Variants in ZC3H4 observed in about 807,000 individuals in gnomAD.
ZC3H4 encodes zinc finger CCCH-type containing 4.
In ZC3H4, 13 loss-of-function variants were observed where a neutral mutation model predicts 108.3. The observed-to-expected ratio is 0.12, with a 90% confidence interval of 0.08 to 0.19. The LOEUF is 0.19. Ranked by LOEUF, ZC3H4 falls within the 10% of genes least tolerant of loss-of-function variation. The pLI is 1.00. For missense variants in ZC3H4, 1,734 were observed against 1,838.8 expected, an observed-to-expected ratio of 0.94 and a Z score of 1.04; for synonymous variants, 917 against 749.6, an observed-to-expected ratio of 1.22 and a Z score of -3.65.
chr19:47,089,886 A>G, intron 5 of ZC3H4, 81 bp downstream of exon 5: 1 of 1,453,220 alleles, frequency 6.9e-7, no homozygotes. Context: ...ACCAAACTTG[A>G]GGTTCTGTGA....
intron 11 of ZC3H4, among the ~76,000 whole-genome samples, chr19:47,076,160 T>C (rs376638310): frequency 6.6e-6 from 1 of 152,210 alleles, no homozygotes. Context: ...AACTCAAATG[T>C]CCTTCAACGG....
At chr19:47,113,379 G>A (rs1195589229) in intron 1 of ZC3H4, 1 of 152,780 alleles carries the variant, frequency 6.5e-6, no homozygotes, top group Non-Finnish European at 1.5e-5. Context: ...GGGCTAGAGA[G>A]AGCATGAGAA....
Position 47,103,754 on chromosome 19 carries a change from G to A in ZC3H4, c.161+8670C>T, listed in dbSNP as rs547978115. Among the ~76,000 whole-genome samples, 6 of 129,246 alleles carry A rather than the reference G, an allele frequency of 4.6e-5. No individual in the cohort carries two copies. The East Asian group carries it at 6.6e-4, about 14-fold the overall frequency. 84.8% of individuals were successfully genotyped at this position (129,246 alleles called of 152,430 possible). On this transcript the variant is annotated intron_variant, in intron 2 of 14. Coordinates refer to ENST00000253048, the MANE Select transcript of ZC3H4 (RefSeq NM_015168.2). Reference sequence around the variant, plus strand: ...ATCTGGGCTAACATGGTGAAACCCCGTCTCTACTAAAAAAAAAAAAAAAAA... The same window carrying A: ...ATCTGGGCTAACATGGTGAAACCCCATCTCTACTAAAAAAAAAAAAAAAAA...
rs1173913849 is a variant in ZC3H4 at position 47,088,619 on chromosome 19, C to T, written c.715+1348G>A. 3.3e-5 allele frequency among the ~76,000 whole-genome samples: 5 copies of T among 152,012 alleles called. No homozygotes were observed. The East Asian group carries it at 9.7e-4, about 29-fold the overall frequency. The stretch of plus-strand genomic sequence containing the variant: ...GCTGCAGTGAGCCTAAATCGTGCCA[C>T]TGCACTCCAGGATGGGTGACAGAGC... On this transcript the variant is annotated intron_variant, in intron 5 of 14. Transcript: ENST00000253048.
At chr19:47,099,060 G>A (rs1453156814) in intron 2 of ZC3H4, among the ~76,000 whole-genome samples, 2 of 152,184 alleles carry the variant, frequency 1.3e-5, no homozygotes, top group African/African-American at 2.4e-5. Context: ...AGGCACAAAG[G>A]AAGAAGCAGC....
intron 1 of ZC3H4, chr19:47,113,161 G>C (rs1449002092): frequency 1.3e-5 from 2 of 152,708 alleles, no homozygotes; most frequent in Non-Finnish European, 2.9e-5. Flanking sequence ...CGGGAGGAAG[G>C]GTGAGATGGG....
chr19:47,082,148 C>T (rs746843495), intron 10 of ZC3H4, 36 bp downstream of exon 10: 1 of 1,552,602 alleles, frequency 6.4e-7, no homozygotes, highest in Non-Finnish European at 8.9e-7. Flanking sequence ...AAGTTCTGCG[C>T]CCTCATTCAG....
In ZC3H4 at chr19:47,090,064, G is replaced by A. The variant is rs774486510; in HGVS notation, c.618C>T (p.Gly206=). 14 of 1,613,988 alleles carry A rather than the reference G, an allele frequency of 8.7e-6. No homozygotes were observed. The highest frequency in any genetic ancestry group is 4.5e-5 in the East Asian group (2 of 44,890). The change falls in exon 5 of 15, where the codon GGC becomes GGT. Residue 206 remains glycine (G), a synonymous_variant. Coordinates refer to ENST00000253048, the MANE Select transcript of ZC3H4 (RefSeq NM_015168.2). ...CCTTGCCCATGTCCTCCTCCTCGTC[G>A]CCCTCATATTCCCCATACTGCTCAT... ...YENEQYGEYE[G]DEEEDMGKED...
In ZC3H4 at chr19:47,090,006, G is replaced by C. The variant is rs2057702813; in HGVS notation, c.676C>G (p.Gln226Glu). 1.2e-6 allele frequency: 2 copies of C among 1,614,082 alleles called. No individual in the cohort carries two copies. Among genetic ancestry groups the C allele is most frequent in the Non-Finnish European group, 8.5e-7 (1 of 1,180,034 alleles). ...CTGCCCTCCTTGGCACGCCGGTACT[G>C]GTTCAGCTCTTTGGTGAAGTCGTCA... ...DYDDFTKELN[Q>E]YRRAKEGSSR... Residue 226 changes from glutamine to glutamate, a missense_variant, in exon 5 of 15, where the codon CAG (glutamine) becomes GAG (glutamate). Physicochemically the swap from Gln to Glu is conservative, Grantham distance 29. Around this residue, in one of 9 missense-constraint regions of ZC3H4, gnomAD observed 403 missense variants for 457.0 expected, o/e 0.88. Coordinates refer to ENST00000253048, the MANE Select transcript of ZC3H4 (RefSeq NM_015168.2).
Position 47,072,535 on chromosome 19 carries a change from C to A in ZC3H4, c.1619G>T (p.Gly540Val). Residue 540 changes from glycine (G) to valine (V), a missense_variant, in exon 12 of 15, where the codon GGC becomes GTC. Gly to Val is a moderately radical substitution (Grantham distance 109). Transcript: ENST00000253048. The surrounding 1 kb of genome is among the most constrained non-coding windows in gnomAD (Gnocchi z 5.6). ...AGGGGGAGGGGGCGGGGGCGGGGGG[C>A]CACCCTGCATGGGCCTGCCGTTGGG... ...TSPNGRPMQG[G>V]PPPPPPPPPP... 1 of 1,482,792 alleles carries A rather than the reference C, an allele frequency of 6.7e-7. No individual in the cohort carries two copies. Among genetic ancestry groups the A allele is most frequent in the Non-Finnish European group, 9.0e-7 (1 of 1,113,984 alleles). 91.9% of individuals were successfully genotyped at this position (1,482,792 alleles called of 1,614,324 possible). A position where few individuals can be genotyped will look rare whatever the true frequency, so the allele number is the denominator to read the frequency against.
intron 2 of ZC3H4, among the ~76,000 whole-genome samples, chr19:47,095,220 G>A (rs1177443066): frequency 6.6e-6 from 1 of 152,220 alleles, no homozygotes; most frequent in African/African-American, 2.4e-5. Flanking sequence ...TCTGAACCAG[G>A]GGTGGCCCCA....
At chr19:47,107,918 C>A (rs1443491712) in intron 2 of ZC3H4, among the ~76,000 whole-genome samples, 1 of 152,314 alleles carries the variant, frequency 6.6e-6, no homozygotes, top group East Asian at 1.9e-4. Flanking sequence ...GAGTCAAACC[C>A]ATGAAGTTTG....
chr19:47,103,080 A>C (rs529934749), intron 2 of ZC3H4, among the ~76,000 whole-genome samples: 2 of 152,292 alleles, frequency 1.3e-5, no homozygotes, highest in South Asian at 2.1e-4. Flanking sequence ...TTCTTGAGCA[A>C]AGGTATCTAT....
chr19:47,106,100 G>A (rs149277682), intron 2 of ZC3H4, among the ~76,000 whole-genome samples: 1 of 152,192 alleles, frequency 6.6e-6, no homozygotes, highest in Non-Finnish European at 1.5e-5. Flanking sequence ...ACTCAGAAGG[G>A]CTCTGGCAGA....
At chr19:47,106,587 G>A (rs1366443231) in intron 2 of ZC3H4, among the ~76,000 whole-genome samples, 2 of 152,166 alleles carry the variant, frequency 1.3e-5, no homozygotes, top group Non-Finnish European at 2.9e-5. Context: ...AATTAATTAA[G>A]GCATCTGCTT....
Position 47,066,539 on chromosome 19 carries a change from G to C in ZC3H4, c.3729C>G (p.Pro1243=), listed in dbSNP as rs957811895. The C allele has an allele frequency of 4.5e-6, 7 of 1,572,812 alleles. No homozygotes were observed. The highest frequency in any genetic ancestry group is 1.7e-5 in the Admixed American group (1 of 57,180). The change falls in exon 15 of 15, where the codon CCC becomes CCG. Residue 1243 remains proline, a synonymous_variant. Coordinates refer to ENST00000253048, the MANE Select transcript of ZC3H4 (RefSeq NM_015168.2). ...CGGGCAGGTTGTGCACCCCGGGCTG[G>C]GGTGGGGCACCCTCGGGGGGTGGGG... ...TATPPPEGAP[P]QPGVHNLPVP...
intron 2 of ZC3H4, among the ~76,000 whole-genome samples, chr19:47,094,909 C>A (rs575416978): frequency 3.2e-4 from 49 of 152,182 alleles, no homozygotes; most frequent in African/African-American, 1.1e-3. Context: ...AAGAAGAAAC[C>A]GACAAGGTGC....
At chr19:47,070,211 C>T (rs2057301837) in intron 13 of ZC3H4, among the ~76,000 whole-genome samples, 1 of 152,136 alleles carries the variant, frequency 6.6e-6, no homozygotes, top group African/African-American at 2.4e-5. Flanking sequence ...TGCAGGGCAA[C>T]ATGTGGCCGC....
chr19:47,093,439 G>A (rs1210851385), intron 4 of ZC3H4, among the ~76,000 whole-genome samples: 1 of 152,180 alleles, frequency 6.6e-6, no homozygotes, highest in Non-Finnish European at 1.5e-5. Context: ...AGTCAGCCGT[G>A]ACGTGGACCA....
Sources: allele counts gnomAD v4.1 joint callset (sites outside exome capture counted in the v4.1 genomes callset), GRCh38; gene constraint gnomAD v4.1.1; regional missense constraint gnomAD v4.1.1; non-coding constraint Gnocchi (gnomAD v3.1); transcripts MANE v1.5; gene names NCBI Gene and HGNC (gene_info 2026-07-23, HGNC 2026-07-21).